The following RNF125 variants were observed in gnomAD, a reference collection of about 807,000 sequenced individuals.
The protein encoded by RNF125 is E3 ubiquitin-protein ligase RNF125.
A neutral mutation model predicts 26.0 loss-of-function variants in RNF125; 21 were observed. The ratio of observed to expected loss-of-function variants is 0.81; its 90% CI spans 0.57 to 1.16. The LOEUF (loss-of-function observed/expected upper bound fraction) is 1.16, where lower values mean the gene tolerates loss of function less well. Ranked by LOEUF, RNF125 falls within the 50% of genes most tolerant of loss-of-function variation. The pLI, the probability that RNF125 is intolerant of heterozygous loss-of-function variation, is 0.00. For missense variants in RNF125, 270 were observed against 299.4 expected, an observed-to-expected ratio of 0.90 and a Z score of 0.72; for synonymous variants, 95 against 109.2, an observed-to-expected ratio of 0.87 and a Z score of 0.81.
chr18:32,038,726 AGAGAGT>A (rs2039186183), intron 2 of RNF125, among the ~76,000 whole-genome samples: 1 of 152,166 alleles, frequency 6.6e-6, no homozygotes, highest in African/African-American at 2.4e-5. Flanking sequence ...AGCCAGAGAA[AGAGAGT>A]AAGTTTTGGA....
downstream of RNF125, among the ~76,000 whole-genome samples, chr18:32,077,334 A>ATTTTTTTTTTTT (rs552701343): frequency 9.3e-6 from 1 of 107,880 alleles, no homozygotes; most frequent in Non-Finnish European, 1.8e-5. Flanking sequence ...CCCTCTCCCC[A>ATTTTTTTTTTTT]TTTTTTTTTT....
the RNF125 span, among the ~76,000 whole-genome samples, chr18:32,079,207 G>A: frequency 4.6e-5 from 7 of 152,252 alleles, no homozygotes; most frequent in Admixed American, 1.3e-4. Context: ...TTCTCACTGC[G>A]TCCTTACATG....
intron 1 of RNF125, among the ~76,000 whole-genome samples, chr18:32,019,921 C>T (rs1395356778): frequency 2.0e-5 from 3 of 152,116 alleles, no homozygotes; most frequent in Non-Finnish European, 4.4e-5. Context: ...AAAACAAAGT[C>T]CCTATATAAA....
chr18:32,061,898 GAC>G, intron 4 of RNF125, among the ~76,000 whole-genome samples: 1 of 152,318 alleles, frequency 6.6e-6, no homozygotes, highest in East Asian at 1.9e-4. Context: ...ACAGCTCTGA[GAC>G]ACAGAACATC....
chr18:32,027,733 T>A (rs2039050853), intron 1 of RNF125, among the ~76,000 whole-genome samples: 1 of 152,166 alleles, frequency 6.6e-6, no homozygotes, highest in Non-Finnish European at 1.5e-5. Flanking sequence ...CTCCTAAAGA[T>A]TCGATACTTT....
chr18:32,082,672 G>T, the RNF125 span, among the ~76,000 whole-genome samples: 1 of 152,286 alleles, frequency 6.6e-6, no homozygotes, highest in South Asian at 2.1e-4. Flanking sequence ...CAGCCCTGCT[G>T]ACCTGACATT....
chr18:32,056,479 G>A (rs549830636), intron 4 of RNF125, among the ~76,000 whole-genome samples: 5 of 152,128 alleles, frequency 3.3e-5, no homozygotes, highest in African/African-American at 1.2e-4. Context: ...AGCTGGGCAT[G>A]GTGGCCCATG....
At chr18:32,079,849 T>C in the RNF125 span, among the ~76,000 whole-genome samples, 2 of 152,358 alleles carry the variant, frequency 1.3e-5, no homozygotes, top group Admixed American at 1.3e-4. Flanking sequence ...TTTAAAGCTA[T>C]AGTGCTAATT....
the RNF125 span, among the ~76,000 whole-genome samples, chr18:32,085,700 C>CAAAA: frequency 0.036 from 2,284 of 62,576 alleles, 126 homozygotes; most frequent in East Asian, 0.21. Flanking sequence ...AACGACTTAT[C>CAAAA]AAAAAAAAAA....
chr18:32,071,133 G>GTT lies in RNF125; in HGVS notation c.*2752_*2753dup, dbSNP rs1341532596. The GTT allele has an allele frequency of 6.6e-6, 1 of 151,962 alleles. No homozygotes were observed. The highest frequency in any genetic ancestry group is 1.5e-5 in the Non-Finnish European group (1 of 68,172). The allele number at this position is 151,962 out of a possible 1,614,324, so 9.4% of individuals were successfully genotyped here. A position where few individuals can be genotyped will look rare whatever the true frequency, so the allele number is the denominator to read the frequency against. ...ACTATATATTTAACACTTGCCCCCA[G>GTT]TTTTGTTTTGTTTTGTTTTGAGGAG... On this transcript the variant is annotated 3_prime_UTR_variant, in exon 6 of 6. Transcript: ENST00000217740.
intron 1 of RNF125, among the ~76,000 whole-genome samples, chr18:32,026,915 G>C (rs1018934420): frequency 6.2e-4 from 94 of 152,284 alleles, no homozygotes; most frequent in Non-Finnish European, 1.6e-4. Flanking sequence ...CTTAAAGAAA[G>C]CAAGGTTTTG....
chr18:32,024,371 T>TA (rs1466354166), intron 1 of RNF125, among the ~76,000 whole-genome samples: 1 of 151,884 alleles, frequency 6.6e-6, no homozygotes, highest in Non-Finnish European at 1.5e-5. Flanking sequence ...ATGCCATTCT[T>TA]ACAACCTTTC....
In RNF125 at chr18:32,028,169, GTGCC is replaced by G. The variant is rs1459216096; in HGVS notation, c.165-8944_165-8941del. Among the ~76,000 whole-genome samples, 42 of 151,674 alleles carry G rather than the reference GTGCC, an allele frequency of 2.8e-4. No homozygotes were observed. The East Asian group carries it at 8.1e-3, about 29-fold the overall frequency. ...AAAAATTAGCCGGGCATGGTGGCGG[GTGCC>G]TGTAGTCCCAGCTACTCAGGAGGCT... On this transcript the variant is annotated intron_variant, in intron 1 of 5. Coordinates refer to ENST00000217740, the MANE Select transcript of RNF125 (RefSeq NM_017831.4).
intron 4 of RNF125, among the ~76,000 whole-genome samples, chr18:32,046,454 A>C (rs1035126246): frequency 6.6e-6 from 1 of 151,114 alleles, no homozygotes; most frequent in Non-Finnish European, 1.5e-5. Context: ...AAAATTAGCC[A>C]GGCGTGGTGG....
intron 4 of RNF125, among the ~76,000 whole-genome samples, chr18:32,061,981 G>C (rs1031992045): frequency 2.0e-5 from 3 of 152,158 alleles, no homozygotes; most frequent in Non-Finnish European, 4.4e-5. Context: ...CTAGACACAT[G>C]GTAGTTTCTT....
At chr18:32,082,990 T>C in the RNF125 span, among the ~76,000 whole-genome samples, 1 of 152,192 alleles carries the variant, frequency 6.6e-6, no homozygotes, top group Non-Finnish European at 1.5e-5. Flanking sequence ...TCAGAGAAGC[T>C]AGATTTGTTG....
chr18:32,021,725 TTGGA>T (rs1204802070), intron 1 of RNF125, among the ~76,000 whole-genome samples: 2 of 152,190 alleles, frequency 1.3e-5, no homozygotes, highest in East Asian at 3.8e-4. Flanking sequence ...TTTTCTCGGT[TTGGA>T]CTTTGAATAT....
In RNF125 at chr18:32,042,213, C is replaced by A. The variant is rs2039227603; in HGVS notation, c.353C>A (p.Thr118Asn). Residue 118 changes from threonine (T) to asparagine (N), a missense_variant, in exon 3 of 6, where the codon ACT (threonine) becomes AAT (asparagine). By Grantham distance (65) the Thr-to-Asn change is moderately conservative. Coordinates refer to ENST00000217740, the MANE Select transcript of RNF125 (RefSeq NM_017831.4). Reference sequence around the variant, plus strand: ...AGTGAAATGAGGGCACATATTCGGACTTGTCAGAAGTACATAGATAAGTAT... The same window carrying A: ...AGTGAAATGAGGGCACATATTCGGAATTGTCAGAAGTACATAGATAAGTAT... ...CLSEMRAHIR[T>N]CQKYIDKYGP... is the part of the protein sequence containing the mutation. 1.9e-6 allele frequency: 3 copies of A among 1,613,596 alleles called. No homozygotes were observed. Among genetic ancestry groups the A allele is most frequent in the East Asian group, 4.5e-5 (2 of 44,848 alleles).
At chr18:32,090,437 T>TA in the RNF125 span, among the ~76,000 whole-genome samples, 1 of 152,190 alleles carries the variant, frequency 6.6e-6, no homozygotes, top group African/African-American at 2.4e-5. Flanking sequence ...CCACTGCGCT[T>TA]GCTGCTAAGG....
Sources: allele counts gnomAD v4.1 joint callset (sites outside exome capture counted in the v4.1 genomes callset), GRCh38; gene constraint gnomAD v4.1.1; transcripts MANE v1.5; gene names NCBI Gene and HGNC (gene_info 2026-07-23, HGNC 2026-07-21).